The following TSPAN9 variants were observed in gnomAD, a reference collection of about 807,000 sequenced individuals.
The protein encoded by TSPAN9 is tetraspanin 9.
TSPAN9 carries 16 observed loss-of-function variants against 31.0 expected under a neutral mutation model. The ratio of observed to expected loss-of-function variants is 0.52; its 90% CI spans 0.35 to 0.78. The LOEUF is 0.78. TSPAN9 is among the 30% of genes least tolerant of loss of function. TSPAN9 has a pLI of 0.01. For missense variants in TSPAN9, 272 were observed against 312.5 expected (o/e 0.87, Z 0.98); for synonymous variants, 145 against 121.6 (o/e 1.19, Z -1.27).
chr12:3,217,564 G>C (rs1361693206), intron 3 of TSPAN9, among the ~76,000 whole-genome samples: 1 of 152,174 alleles, frequency 6.6e-6, no homozygotes, highest in African/African-American at 2.4e-5. Context: ...AGAGGAGGAA[G>C]TTGAGTCACC....
chr12:3,235,146 G>A (rs147508225), intron 3 of TSPAN9, among the ~76,000 whole-genome samples: 7,702 of 119,794 alleles, frequency 0.064, 322 homozygotes, highest in Middle Eastern at 0.13. Context: ...TTGCGCCACT[G>A]CACTCCAGCC....
intron 2 of TSPAN9, among the ~76,000 whole-genome samples, chr12:3,155,686 G>A (rs1422025687): frequency 2.6e-5 from 4 of 152,138 alleles, no homozygotes; most frequent in East Asian, 1.9e-4. Flanking sequence ...AGTGAGAGAC[G>A]GCTTGAAGCA....
chr12:3,225,919 A>G (rs747145470), intron 3 of TSPAN9, among the ~76,000 whole-genome samples: 6 of 152,080 alleles, frequency 3.9e-5, no homozygotes, highest in Non-Finnish European at 8.8e-5. Context: ...ATGTGCACAC[A>G]TTCTACCTGC....
Position 3,279,147 on chromosome 12 carries a change from T to G in TSPAN9, c.330+81T>G, listed in dbSNP as rs1862850811. ...GCCAAGCAGGCCAGGGTCCCTTCCCTGGCCAGAGGAAGAGTGCTGGCAAGC... is the reference window on the plus strand; with the variant it reads ...GCCAAGCAGGCCAGGGTCCCTTCCCGGGCCAGAGGAAGAGTGCTGGCAAGC... On this transcript the variant is annotated intron_variant, in intron 5 of 8. Transcript: ENST00000011898. The G allele has an allele frequency of 2.3e-6, 3 of 1,300,598 alleles. No individual in the cohort carries two copies. The East Asian group carries it at 6.9e-5, about 30-fold the overall frequency. 80.6% of individuals were successfully genotyped at this position (1,300,598 alleles called of 1,614,324 possible). A position where few individuals can be genotyped will look rare whatever the true frequency, so the allele number is the denominator to read the frequency against.
intron 2 of TSPAN9, among the ~76,000 whole-genome samples, chr12:3,174,722 A>G (rs1480577313): frequency 6.1e-5 from 9 of 148,728 alleles, no homozygotes; most frequent in Admixed American, 1.4e-4. Flanking sequence ...AGCTGGGACT[A>G]CAGGCGCCCA....
chr12:3,174,694 T>C (rs1021248644), intron 2 of TSPAN9, among the ~76,000 whole-genome samples: 1 of 151,876 alleles, frequency 6.6e-6, no homozygotes, highest in Admixed American at 6.6e-5. Context: ...GCCATTCTCC[T>C]GCCTCAGCCT....
At chr12:3,226,779 TATA>T (rs1565622622) in intron 3 of TSPAN9, among the ~76,000 whole-genome samples, 3 of 8,734 alleles carry the variant, frequency 3.4e-4, no homozygotes, top group Non-Finnish European at 4.7e-4. Flanking sequence ...TATATATATA[TATA>T]TATATATATA....
At chr12:3,277,200 A>G (rs1005343562) in intron 3 of TSPAN9, among the ~76,000 whole-genome samples, 12 of 152,222 alleles carry the variant, frequency 7.9e-5, no homozygotes, top group African/African-American at 2.4e-4. Flanking sequence ...TCACACCACC[A>G]GGATAAGCTG....
chr12:3,227,064 C>T (rs1048123575), intron 3 of TSPAN9, among the ~76,000 whole-genome samples: 4 of 151,804 alleles, frequency 2.6e-5, no homozygotes, highest in African/African-American at 9.7e-5. Flanking sequence ...GAGGCTGGAA[C>T]TGAATCCTCG....
chr12:3,133,240 G>T (rs2098330608), intron 2 of TSPAN9, among the ~76,000 whole-genome samples: 1 of 152,098 alleles, frequency 6.6e-6, no homozygotes, highest in African/African-American at 2.4e-5. Context: ...AAAAAGAGGG[G>T]TCCTCTCCTC....
At chr12:3,106,809 C>T (rs541670286) in intron 2 of TSPAN9, among the ~76,000 whole-genome samples, 3 of 152,212 alleles carry the variant, frequency 2.0e-5, no homozygotes, top group African/African-American at 7.2e-5. Flanking sequence ...AAGAGGTGCC[C>T]CTCCCTAGGC....
chr12:3,169,131 C>T (rs1162840490), intron 2 of TSPAN9, among the ~76,000 whole-genome samples: 1 of 152,202 alleles, frequency 6.6e-6, no homozygotes, highest in Non-Finnish European at 1.5e-5. Context: ...ATCTTCTGCA[C>T]GTGGAGTGTG....
rs1223011106 is a variant in TSPAN9, at chr12:3,211,923, C to T, written c.63+10667C>T. Reference sequence around the variant, plus strand: ...AGATCCTTTGCGAGAGGCATGTTCTCGTGTGCGTAGGTCGTCACCACCGGA... The same window carrying T: ...AGATCCTTTGCGAGAGGCATGTTCTTGTGTGCGTAGGTCGTCACCACCGGA... On this transcript the variant is annotated intron_variant, in intron 3 of 8. Transcript: ENST00000011898. 8 of 1,488,432 alleles carry T rather than the reference C, an allele frequency of 5.4e-6. No individual in the cohort carries two copies. The South Asian group carries it at 5.7e-5, about 11-fold the overall frequency. 92.2% of individuals were successfully genotyped at this position (1,488,432 alleles called of 1,614,324 possible). A position where few individuals can be genotyped will look rare whatever the true frequency, so the allele number is the denominator to read the frequency against.
intron 3 of TSPAN9, among the ~76,000 whole-genome samples, chr12:3,252,560 G>A (rs752719553): frequency 6.6e-6 from 1 of 152,236 alleles, no homozygotes; most frequent in Admixed American, 6.5e-5. Flanking sequence ...GTACACATGC[G>A]GGGAGCCTGC....
intron 2 of TSPAN9, among the ~76,000 whole-genome samples, chr12:3,186,078 G>A (rs374204915): frequency 2.0e-5 from 3 of 152,294 alleles, no homozygotes; most frequent in African/African-American, 7.2e-5. Context: ...CCAGGTCACA[G>A]ATGTCAGGGC....
In TSPAN9 at chr12:3,276,024, C is replaced by T. The variant is rs142262868; in HGVS notation, c.64-2397C>T. Among the ~76,000 whole-genome samples, 328 of 152,334 alleles carry T rather than the reference C, an allele frequency of 2.2e-3. 1 individual carries two copies. The highest frequency in any genetic ancestry group is 3.9e-3 in the Non-Finnish European group (262 of 68,032). ...CCATTTCTCACCGCTCCTCCGTAGC[C>T]TCCTGGTATGAGTCGTCCCCAGCTC... On this transcript the variant is annotated intron_variant, in intron 3 of 8. Coordinates refer to ENST00000011898, the MANE Select transcript of TSPAN9 (RefSeq NM_006675.5).
chr12:3,282,220 C>T (rs892290727), intron 8 of TSPAN9: 14 of 576,022 alleles, frequency 2.4e-5, no homozygotes, highest in African/African-American at 1.9e-4. Context: ...GGGCTTCCTT[C>T]TGCCTCCTGC....
At chr12:3,257,128 C>T (rs1336732710) in intron 3 of TSPAN9, among the ~76,000 whole-genome samples, 1 of 152,158 alleles carries the variant, frequency 6.6e-6, no homozygotes, top group Non-Finnish European at 1.5e-5. Context: ...ACCTTATAGG[C>T]AAGAGCAGAA....
chr12:3,258,473 C>T (rs1011643783), intron 3 of TSPAN9, among the ~76,000 whole-genome samples: 1 of 152,190 alleles, frequency 6.6e-6, no homozygotes, highest in Admixed American at 6.5e-5. Flanking sequence ...ATGTCTCTGG[C>T]CTGGGTCATG....
Sources: gnomAD v4.1 joint callset for allele counts (sites outside exome capture counted in the v4.1 genomes callset) on GRCh38, gnomAD v4.1.1 for gene constraint, MANE v1.5 for transcripts, NCBI Gene and HGNC (gene_info 2026-07-23, HGNC 2026-07-21) for gene names.